The following PACRG variants were observed in gnomAD, a reference collection of about 807,000 sequenced individuals.
The protein encoded by PACRG is parkin coregulated.
In PACRG, 29 loss-of-function variants were observed where a neutral mutation model predicts 29.7. The ratio of observed to expected loss-of-function variants is 0.98; its 90% CI spans 0.73 to 1.33. The LOEUF (loss-of-function observed/expected upper bound fraction) is 1.33, where lower values mean the gene tolerates loss of function less well. Ranked by LOEUF, PACRG falls within the 40% of genes most tolerant of loss-of-function variation. The pLI is 0.00. For synonymous variants in PACRG, 116 were observed against 118.7 expected, an observed-to-expected ratio of 0.98 and a Z score of 0.15; for missense variants, 279 against 316.2, an observed-to-expected ratio of 0.88 and a Z score of 0.89.
intron 2 of PACRG, among the ~76,000 whole-genome samples, chr6:162,940,464 C>A (rs1798539835): frequency 6.6e-6 from 1 of 152,040 alleles, no homozygotes; most frequent in Non-Finnish European, 1.5e-5. Flanking sequence ...TCTTTCTCTT[C>A]TTCCTTTCTG....
chr6:163,076,277 G>A (rs550739377), intron 3 of PACRG, among the ~76,000 whole-genome samples: 4 of 152,126 alleles, frequency 2.6e-5, no homozygotes, highest in Non-Finnish European at 5.9e-5. Flanking sequence ...GGACTACTGG[G>A]AATCTCCCCA....
At chr6:163,223,531 T>C (rs993960822) in intron 4 of PACRG, among the ~76,000 whole-genome samples, 10 of 152,100 alleles carry the variant, frequency 6.6e-5, no homozygotes, top group African/African-American at 2.4e-4. Context: ...AGAAGAAGGA[T>C]GGAAGTAGTA....
At chr6:163,144,459 T>G (rs1303826871) in intron 4 of PACRG, among the ~76,000 whole-genome samples, 4 of 151,902 alleles carry the variant, frequency 2.6e-5, no homozygotes, top group African/African-American at 9.7e-5. Context: ...GAATAAAAAT[T>G]GTAAAGGATG....
chr6:163,082,552 G>A (rs1255935285), intron 3 of PACRG, among the ~76,000 whole-genome samples: 1 of 152,114 alleles, frequency 6.6e-6, no homozygotes, highest in Non-Finnish European at 1.5e-5. Flanking sequence ...TTAGAAAGCA[G>A]TTTTTAAAAG....
At chr6:163,084,185 C>A (rs1813328735) in intron 3 of PACRG, among the ~76,000 whole-genome samples, 1 of 152,120 alleles carries the variant, frequency 6.6e-6, no homozygotes, top group Non-Finnish European at 1.5e-5. Flanking sequence ...AACCTTAAAT[C>A]TTGAGTTCAA....
At chr6:163,132,707 T>G (rs1816787601) in intron 4 of PACRG, among the ~76,000 whole-genome samples, 1 of 152,182 alleles carries the variant, frequency 6.6e-6, no homozygotes, top group African/African-American at 2.4e-5. Flanking sequence ...CATGAATTAA[T>G]TTTGAGCTCT....
intron 4 of PACRG, among the ~76,000 whole-genome samples, chr6:163,232,432 A>G (rs1191169264): frequency 6.6e-6 from 1 of 152,128 alleles, no homozygotes; most frequent in African/African-American, 2.4e-5. Flanking sequence ...TACTTTGTTT[A>G]GTAAGAAGGG....
chr6:163,015,481 A>G (rs148084441), intron 2 of PACRG, among the ~76,000 whole-genome samples: 5 of 152,184 alleles, frequency 3.3e-5, no homozygotes, highest in Non-Finnish European at 7.3e-5. Flanking sequence ...CTTCTAATCC[A>G]TGAGCACAGA....
chr6:162,878,038 T>A lies in PACRG; in HGVS notation c.291+63757T>A, dbSNP rs76180202. On this transcript the variant is annotated intron_variant, in intron 2 of 4. Transcript: ENST00000366888. ...TCACTTAACTGGGTAAATACTAAAT[T>A]TAGAATATACCTGTGAATTATAAAT... Among the ~76,000 whole-genome samples, 19 of 152,312 alleles carry A rather than the reference T, an allele frequency of 1.2e-4. No individual in the cohort carries two copies. In the East Asian group the frequency reaches 3.7e-3, roughly 29 times the overall value.
chr6:163,175,655 GGT>G (rs1224057239), intron 4 of PACRG, among the ~76,000 whole-genome samples: 2 of 151,950 alleles, frequency 1.3e-5, no homozygotes, highest in Non-Finnish European at 2.9e-5. Context: ...GTGAGCTGCA[GGT>G]GGAACCAGGG....
intron 2 of PACRG, among the ~76,000 whole-genome samples, chr6:162,880,576 A>G (rs903734881): frequency 3.3e-5 from 5 of 152,244 alleles, no homozygotes; most frequent in African/African-American, 1.2e-4. Flanking sequence ...AAATAGAAAA[A>G]TATAACGCTT....
At chr6:162,856,310 C>G (rs1212375161) in intron 2 of PACRG, among the ~76,000 whole-genome samples, 1 of 152,170 alleles carries the variant, frequency 6.6e-6, no homozygotes, top group African/African-American at 2.4e-5. Context: ...CTTCCCACTT[C>G]GGCCTCCCAA....
intron 4 of PACRG, among the ~76,000 whole-genome samples, chr6:163,133,644 A>G (rs1195210140): frequency 2.0e-5 from 3 of 152,224 alleles, no homozygotes; most frequent in African/African-American, 4.8e-5. Flanking sequence ...TGTCTTGCCT[A>G]TAAAGCAGGG....
At chr6:162,858,257 A>C (rs1422985529) in intron 2 of PACRG, among the ~76,000 whole-genome samples, 2 of 152,118 alleles carry the variant, frequency 1.3e-5, no homozygotes, top group Non-Finnish European at 2.9e-5. Context: ...GGCAAAGGGG[A>C]AGCAAGGCAT....
chr6:162,864,086 A>G (rs1792095860), intron 2 of PACRG, among the ~76,000 whole-genome samples: 1 of 152,170 alleles, frequency 6.6e-6, no homozygotes, highest in Non-Finnish European at 1.5e-5. Context: ...CCCAATGACA[A>G]TCTAATTATT....
At chr6:163,114,916 A>G (rs190867334) in intron 4 of PACRG, among the ~76,000 whole-genome samples, 75 of 152,140 alleles carry the variant, frequency 4.9e-4, no homozygotes, top group Non-Finnish European at 8.5e-4. Context: ...TAGCTTGATT[A>G]TGATAATCAT....
chr6:163,251,431 T>C (rs932106112), intron 4 of PACRG, among the ~76,000 whole-genome samples: 13 of 152,200 alleles, frequency 8.5e-5, no homozygotes, highest in Non-Finnish European at 1.8e-4. Flanking sequence ...CGGAATGCAA[T>C]GATTATGTAT....
intron 2 of PACRG, among the ~76,000 whole-genome samples, chr6:162,959,488 C>G (rs1158077350): frequency 6.6e-6 from 1 of 152,080 alleles, no homozygotes; most frequent in Non-Finnish European, 1.5e-5. Flanking sequence ...AGCATGGAGT[C>G]ACTGCTGGGG....
At chr6:163,207,430 A>G (rs1196415360) in intron 4 of PACRG, among the ~76,000 whole-genome samples, 1 of 152,248 alleles carries the variant, frequency 6.6e-6, no homozygotes, top group East Asian at 1.9e-4. Context: ...AAAAATAAAC[A>G]CATCCTCAAG....
Sources: allele counts gnomAD v4.1 joint callset (sites outside exome capture counted in the v4.1 genomes callset), GRCh38; gene constraint gnomAD v4.1.1; transcripts MANE v1.5; gene names NCBI Gene and HGNC (gene_info 2026-07-23, HGNC 2026-07-21).